The following PCDH15 variants were observed in gnomAD, a reference collection of about 807,000 sequenced individuals.
PCDH15 encodes the protein protocadherin-15.
In PCDH15, 129 loss-of-function variants were observed where a neutral mutation model predicts 178.5. The observed-to-expected ratio is 0.72, with a 90% CI of 0.63 to 0.84. The LOEUF is 0.84. PCDH15 is among the 40% of genes least tolerant of loss of function. The pLI, the probability that PCDH15 is intolerant of heterozygous loss-of-function variation, is 0.00. For synonymous variants in PCDH15, 800 were observed against 732.0 expected, an observed-to-expected ratio of 1.09 and a Z score of -1.50; for missense variants, 2,230 against 2,099.9, an observed-to-expected ratio of 1.06 and a Z score of -1.21.
At position 54,020,215 on chromosome 10, in the gene PCDH15, C is replaced by T. The variant is rs139175351; in HGVS notation, c.2728G>A (p.Ala910Thr). Residue 910 changes from alanine to threonine, a missense_variant, in exon 20 of 38, where the codon GCT (alanine) becomes ACT (threonine). Transcript: ENST00000644397. ...DIYGTMPPGI[A>T]TVTVIVKDMN... ...ACCTTTACAATCACTGTGACAGTAG[C>T]AATACCAGGTGGCATTGTTCCATAA... is the stretch of plus-strand genomic sequence containing the variant. 2 of 1,613,584 alleles carry T rather than the reference C, an allele frequency of 1.2e-6. No homozygotes were observed. Among genetic ancestry groups the T allele is most frequent in the Admixed American group, 1.7e-5 (1 of 59,944 alleles).
chr10:55,577,073 C>A (rs1842510410), intron 2 of PCDH15, among the ~76,000 whole-genome samples: 1 of 151,938 alleles, frequency 6.6e-6, no homozygotes, highest in African/African-American at 2.4e-5. Flanking sequence ...GAAACCCTGT[C>A]TCTGCTAAAA....
At chr10:53,876,127 A>G (rs555678935) in intron 26 of PCDH15, among the ~76,000 whole-genome samples, 1 of 152,274 alleles carries the variant, frequency 6.6e-6, no homozygotes, top group East Asian at 1.9e-4. Flanking sequence ...GTTTGCAAAA[A>G]GCAAAAATAA....
chr10:54,827,903 A>G (rs1039729908), intron 3 of PCDH15, among the ~76,000 whole-genome samples: 8 of 152,090 alleles, frequency 5.3e-5, no homozygotes, highest in Non-Finnish European at 8.8e-5. Context: ...AATCAACAAT[A>G]TTTTCCCCAC....
chr10:55,431,244 A>G (rs1838873840), intron 2 of PCDH15, among the ~76,000 whole-genome samples: 2 of 152,312 alleles, frequency 1.3e-5, no homozygotes, highest in South Asian at 4.1e-4. Context: ...TGTTGACCAG[A>G]TTATTCACTA....
At chr10:55,471,103 T>C (rs1175375111) in intron 2 of PCDH15, among the ~76,000 whole-genome samples, 1 of 152,206 alleles carries the variant, frequency 6.6e-6, no homozygotes, top group Non-Finnish European at 1.5e-5. Context: ...TTGGTAGTTA[T>C]GAATAATGCT....
intron 20 of PCDH15, among the ~76,000 whole-genome samples, chr10:54,000,178 C>T (rs775470317): frequency 6.6e-6 from 1 of 152,164 alleles, no homozygotes; most frequent in Non-Finnish European, 1.5e-5. Context: ...ACACCTACAT[C>T]CTTTCAAATA....
In PCDH15 at chr10:54,421,862, T is replaced by TATAC. The variant is rs1171038931; in HGVS notation, c.158-42921_158-42920insGTAT. ...TACACACACACTATATATATATATATACACACACTATATATATATATACAC... is the reference window on the plus strand; with the variant it reads ...TACACACACACTATATATATATATATATACACACACACTATATATATATATACAC... On this transcript the variant is annotated intron_variant, in intron 3 of 37. Transcript: ENST00000644397. 8.1e-3 allele frequency among the ~76,000 whole-genome samples: 922 copies of TATAC among 113,926 alleles called. 37 individuals are homozygous for TATAC. Among genetic ancestry groups the TATAC allele is most frequent in the African/African-American group, 0.029 (742 of 26,034 alleles). The allele number at this position is 113,926 out of a possible 152,430, so 74.7% of individuals were successfully genotyped here.
At chr10:55,183,184 C>T (rs1026145430) in intron 1 of PCDH15, among the ~76,000 whole-genome samples, 1 of 151,934 alleles carries the variant, frequency 6.6e-6, no homozygotes, top group Non-Finnish European at 1.5e-5. Context: ...TTTGAAGCTA[C>T]TTCTCAGTTT....
At chr10:54,785,812 A>G (rs1002472302) in intron 1 of PCDH15, among the ~76,000 whole-genome samples, 12 of 152,064 alleles carry the variant, frequency 7.9e-5, no homozygotes, top group East Asian at 3.9e-4. Context: ...AAGGCATCCT[A>G]TGCTTGACTC....
At chr10:53,996,465 C>T (rs993441022) in intron 20 of PCDH15, among the ~76,000 whole-genome samples, 1 of 152,064 alleles carries the variant, frequency 6.6e-6, no homozygotes, top group Admixed American at 6.5e-5. Context: ...TCAGGTATTT[C>T]CCACTTTCAT....
chr10:55,113,842 C>T (rs532023523), intron 2 of PCDH15, among the ~76,000 whole-genome samples: 1 of 152,306 alleles, frequency 6.6e-6, no homozygotes, highest in East Asian at 1.9e-4. Flanking sequence ...GTATGTAGAT[C>T]TTGTATTATC....
At chr10:54,063,432 C>T (rs1179672632) in intron 18 of PCDH15, among the ~76,000 whole-genome samples, 1 of 152,014 alleles carries the variant, frequency 6.6e-6, no homozygotes, top group African/African-American at 2.4e-5. Flanking sequence ...TTGCACATGC[C>T]CCTGTTATAG....
At chr10:54,470,497 A>C (rs2077836226) in intron 3 of PCDH15, among the ~76,000 whole-genome samples, 1 of 151,714 alleles carries the variant, frequency 6.6e-6, no homozygotes, top group Non-Finnish European at 1.5e-5. Context: ...TCAAAATAGC[A>C]CTCTGCTGTG....
chr10:54,075,768 A>C (rs2094331351), intron 17 of PCDH15, among the ~76,000 whole-genome samples: 1 of 152,140 alleles, frequency 6.6e-6, no homozygotes, highest in Non-Finnish European at 1.5e-5. Flanking sequence ...ATTAAGTGAA[A>C]GTTTATTTTT....
chr10:54,016,979 A>G (rs1323012498), intron 20 of PCDH15, among the ~76,000 whole-genome samples: 1 of 152,178 alleles, frequency 6.6e-6, no homozygotes, highest in Non-Finnish European at 1.5e-5. Flanking sequence ...AAATAATAAT[A>G]TGTTTTCAGT....
intron 2 of PCDH15, among the ~76,000 whole-genome samples, chr10:54,949,654 TC>T (rs1304685360): frequency 6.6e-6 from 1 of 151,986 alleles, no homozygotes; most frequent in East Asian, 1.9e-4. Flanking sequence ...TTCCAAACCA[TC>T]TATTTGTGAA....
intron 1 of PCDH15, among the ~76,000 whole-genome samples, chr10:54,774,410 C>G (rs1949469902): frequency 6.6e-6 from 1 of 151,938 alleles, no homozygotes; most frequent in Non-Finnish European, 1.5e-5. Context: ...CTGACAGATT[C>G]AAGTATAGAG....
At chr10:55,167,286 A>T (rs982225111) in intron 1 of PCDH15, among the ~76,000 whole-genome samples, 1 of 151,724 alleles carries the variant, frequency 6.6e-6, no homozygotes, top group Admixed American at 6.6e-5. Context: ...GGTCATTTTT[A>T]TATTTTTTGT....
At position 54,180,131 on chromosome 10, in the gene PCDH15, T is replaced by C. The variant is rs184830821; in HGVS notation, c.1590+3313A>G. 1.8e-3 allele frequency among the ~76,000 whole-genome samples: 280 copies of C among 152,312 alleles called. 1 individual carries two copies. The highest frequency in any genetic ancestry group is 6.4e-3 in the African/African-American group (265 of 41,580). ...ATATGTGCTAATAATGTGATTATAC[T>C]TCAGCTCCGGTTACGGAAGATGATG... On this transcript the variant is annotated intron_variant, in intron 13 of 37. Coordinates refer to ENST00000644397, the MANE Select transcript of PCDH15 (RefSeq NM_001384140.1).
Sources: allele counts gnomAD v4.1 joint callset (sites outside exome capture counted in the v4.1 genomes callset), GRCh38; gene constraint gnomAD v4.1.1; transcripts MANE v1.5; gene names NCBI Gene and HGNC (gene_info 2026-07-23, HGNC 2026-07-21).